CTTNBP2: variants seen among roughly 807,000 people sequenced by gnomAD.
CTTNBP2 encodes the protein cortactin-binding protein 2.
Under a neutral mutation model 156.9 loss-of-function variants are expected in CTTNBP2, and 108 were observed. The ratio of observed to expected loss-of-function variants is 0.69; its 90% confidence interval spans 0.59 to 0.81. CTTNBP2 has a LOEUF of 0.81. Among genes scored for constraint, CTTNBP2 ranks in the 30% least tolerant of loss-of-function variants. CTTNBP2 has a pLI of 0.00. For missense variants in CTTNBP2, 1,924 were observed against 2,035.4 expected (o/e 0.95, Z 1.05); for synonymous variants, 767 against 751.8 (o/e 1.02, Z -0.33).
At chr7:117,838,565 TA>T (rs1453975238) in intron 2 of CTTNBP2, among the ~76,000 whole-genome samples, 1 of 152,170 alleles carries the variant, frequency 6.6e-6, no homozygotes, top group Non-Finnish European at 1.5e-5. Context: ...GACTAATCTG[TA>T]AAAACTACCT....
chr7:117,839,802 CATAAT>C (rs1802167504), intron 2 of CTTNBP2, among the ~76,000 whole-genome samples: 1 of 152,178 alleles, frequency 6.6e-6, no homozygotes, highest in African/African-American at 2.4e-5. Flanking sequence ...GGCCCCATGG[CATAAT>C]CCACCTTTAC....
At chr7:117,751,485 A>G (rs1796616679) in intron 12 of CTTNBP2, among the ~76,000 whole-genome samples, 1 of 152,206 alleles carries the variant, frequency 6.6e-6, no homozygotes. Context: ...TTAAATAACT[A>G]ATTTACTTGT....
At chr7:117,721,464 CT>C (rs1794787488) in intron 19 of CTTNBP2, among the ~76,000 whole-genome samples, 1 of 152,218 alleles carries the variant, frequency 6.6e-6, no homozygotes, top group Admixed American at 6.5e-5. Context: ...TCCTTAGGCC[CT>C]TGTTCTCAAA....
Position 117,758,539 on chromosome 7 carries a change from A to C in CTTNBP2, c.3173-569T>G, listed in dbSNP as rs191226728. ...GTATCTTCCCTAGGGGATGATTGGT[A>C]ATAAGTATTTTTTTTCATCTCTTCC... is the stretch of plus-strand genomic sequence containing the variant. On this transcript the variant is annotated intron_variant, in intron 10 of 22. Transcript: ENST00000160373. Among the ~76,000 whole-genome samples the C allele has an allele frequency of 1.7e-3, 259 of 152,238 alleles. 4 individuals are homozygous for C. The highest frequency in any genetic ancestry group is 0.012 in the Admixed American group (179 of 15,290).
At chr7:117,814,667 A>G (rs1391374178) in intron 2 of CTTNBP2, among the ~76,000 whole-genome samples, 2 of 152,210 alleles carry the variant, frequency 1.3e-5, no homozygotes, top group South Asian at 2.1e-4. Flanking sequence ...AGCTCAAGCA[A>G]TCCTCCTGCC....
At chr7:117,832,907 C>G (rs767592424) in intron 2 of CTTNBP2, among the ~76,000 whole-genome samples, 6 of 98,996 alleles carry the variant, frequency 6.1e-5, no homozygotes, top group Non-Finnish European at 1.2e-4. Flanking sequence ...CCACCACACC[C>G]GGCTTTTTTT....
rs74340912 is a variant in CTTNBP2 at position 117,808,018 on chromosome 7, C to T, written c.414+2747G>A. 8.6e-3 allele frequency among the ~76,000 whole-genome samples: 1,313 copies of T among 152,290 alleles called. 16 individuals carry two copies. Among genetic ancestry groups the T allele is most frequent in the African/African-American group, 0.03 (1,236 of 41,554 alleles). ...CCATGCAACTCACCTATTTATATTG[C>T]GCTGCCACATAGAAGGAGCTGTATC... is the stretch of plus-strand genomic sequence containing the variant. On this transcript the variant is annotated intron_variant, in intron 3 of 22. Transcript: ENST00000160373.
At position 117,711,669 on chromosome 7, in the gene CTTNBP2, GACTTT is replaced by G. The variant is rs1371150620; in HGVS notation, c.4855_4859del (p.Lys1619HisfsTer15). On this transcript the variant is annotated frameshift_variant, in exon 23 of 23. Coordinates refer to ENST00000160373, the MANE Select transcript of CTTNBP2 (RefSeq NM_033427.3). LOFTEE classifies it high-confidence loss of function. ...TTTTGGTGTTCTGGGAACACTGGGT[GACTTT>G]ACTTCTAGGAACAGGAAGAAAAGAT... 11 of 1,613,898 alleles carry G rather than the reference GACTTT, an allele frequency of 6.8e-6. No homozygotes were observed. The highest frequency in any genetic ancestry group is 4.0e-5 in the African/African-American group (3 of 74,898).
In CTTNBP2 at chr7:117,711,674, T is replaced by G. The variant is rs113820495; in HGVS notation, c.4855A>C (p.Lys1619Gln). The G allele has an allele frequency of 1.1e-3, 1,767 of 1,614,078 alleles. 22 individuals carry two copies. The African/African-American group carries it at 0.019, about 17-fold the overall frequency. Reference protein sequence around the residue: ...VKSFLPVPRSKVTQCSQNTKR... With the variant: ...VKSFLPVPRSQVTQCSQNTKR... Reference sequence around the variant, plus strand: ...GTGTTCTGGGAACACTGGGTGACTTTACTTCTAGGAACAGGAAGAAAAGAT... The same window carrying G: ...GTGTTCTGGGAACACTGGGTGACTTGACTTCTAGGAACAGGAAGAAAAGAT... Residue 1619 changes from lysine to glutamine, a missense_variant, in exon 23 of 23, where the codon AAA becomes CAA. Physicochemically the swap from Lys to Gln is moderately conservative, Grantham distance 53. Transcript: ENST00000160373.
In CTTNBP2 at chr7:117,718,077, C is replaced by CAGAACTATCAAACATCCTTAAAT. The variant is rs757377452; in HGVS notation, c.4664_4686dup (p.Gly1563IlefsTer2). 2 of 1,613,394 alleles carry CAGAACTATCAAACATCCTTAAAT rather than the reference C, an allele frequency of 1.2e-6. No homozygotes were observed. The highest frequency in any genetic ancestry group is 1.7e-6 in the Non-Finnish European group (2 of 1,179,512). On this transcript the variant is annotated stop_gained and frameshift_variant, in exon 22 of 23. Coordinates refer to ENST00000160373, the MANE Select transcript of CTTNBP2 (RefSeq NM_033427.3). LOFTEE classifies it high-confidence loss of function. Reference sequence around the variant, plus strand: ...GTTGCTGAAAGTACAGGGTTGTTTCCAGAACTATCAAACATCCTTAAATCA... The same window carrying CAGAACTATCAAACATCCTTAAAT: ...GTTGCTGAAAGTACAGGGTTGTTTCCAGAACTATCAAACATCCTTAAATAGAACTATCAAACATCCTTAAATCA...
chr7:117,716,564 C>A (rs1346112241), intron 22 of CTTNBP2, among the ~76,000 whole-genome samples: 1 of 152,086 alleles, frequency 6.6e-6, no homozygotes, highest in Non-Finnish European at 1.5e-5. Context: ...GGGATGGGCC[C>A]TAGACTGTTT....
At chr7:117,873,154 C>G (rs1027827284) in intron 1 of CTTNBP2, among the ~76,000 whole-genome samples, 181 bp downstream of exon 1, 1 of 152,068 alleles carries the variant, frequency 6.6e-6, no homozygotes, top group Non-Finnish European at 1.5e-5. Flanking sequence ...CCGCTCCGCT[C>G]CCCCCCGCGG....
intron 2 of CTTNBP2, among the ~76,000 whole-genome samples, chr7:117,811,656 C>T (rs1800286639): frequency 6.6e-6 from 1 of 151,688 alleles, no homozygotes; most frequent in African/African-American, 2.4e-5. Flanking sequence ...AGCTAAAGTT[C>T]AAAAATAAAA....
intron 1 of CTTNBP2, among the ~76,000 whole-genome samples, chr7:117,868,688 C>G (rs1804376900): frequency 6.6e-6 from 1 of 152,190 alleles, no homozygotes; most frequent in Non-Finnish European, 1.5e-5. Flanking sequence ...AAAGACAAAT[C>G]TTTTTCCATG....
intron 6 of CTTNBP2, among the ~76,000 whole-genome samples, chr7:117,782,270 C>T (rs1009682278): frequency 6.6e-6 from 1 of 152,074 alleles, no homozygotes; most frequent in Non-Finnish European, 1.5e-5. Flanking sequence ...AAAGTCATGC[C>T]TATATCTAAC....
rs992110761 is a variant in CTTNBP2 at position 117,735,097 on chromosome 7, T to C, written c.3692A>G (p.Asn1231Ser). 6.2e-7 allele frequency: 1 copy of C among 1,610,940 alleles called. No homozygotes were observed. The highest frequency in any genetic ancestry group is 1.1e-5 in the South Asian group (1 of 90,772). Residue 1231 changes from asparagine (N) to serine (S), a missense_variant, in exon 16 of 23, where the codon AAT (asparagine) becomes AGT (serine). By Grantham distance (46) the Asn-to-Ser change is conservative. Transcript: ENST00000160373. ...AAAGTAATAACATTCGGACAGTCCA[T>C]TTCCTGAAACAAACCAAAAAGCAAT... ...TESPCTFQKG[N>S]GLSECYYFHE...
Position 117,760,424 on chromosome 7 carries a change from ACTG to A in CTTNBP2, c.3172+8_3172+10del. ...AATTTCACTTTCTCTCCGTCATAGG[ACTG>A]CTGATACCTAGCGTGATGGATCGTA... is the stretch of plus-strand genomic sequence containing the variant. On this transcript the variant is annotated splice_region_variant and intron_variant, in intron 10 of 22. Coordinates refer to ENST00000160373, the MANE Select transcript of CTTNBP2 (RefSeq NM_033427.3). 2 of 1,610,708 alleles carry A rather than the reference ACTG, an allele frequency of 1.2e-6. No individual in the cohort carries two copies. The highest frequency in any genetic ancestry group is 1.7e-6 in the Non-Finnish European group (2 of 1,177,108).
At chr7:117,839,813 T>C (rs183298281) in intron 2 of CTTNBP2, among the ~76,000 whole-genome samples, 11 of 152,288 alleles carry the variant, frequency 7.2e-5, no homozygotes, top group Admixed American at 3.9e-4. Context: ...ATAATCCACC[T>C]TTACTCCTCC....
chr7:117,809,339 TTTC>T (rs1218042669), intron 3 of CTTNBP2, among the ~76,000 whole-genome samples: 2 of 152,236 alleles, frequency 1.3e-5, no homozygotes, highest in Admixed American at 6.5e-5. Context: ...AACAAAGTGT[TTTC>T]TTAATTTTTT....
Sources: allele counts gnomAD v4.1 joint callset (sites outside exome capture counted in the v4.1 genomes callset), GRCh38; gene constraint gnomAD v4.1.1; transcripts MANE v1.5; gene names NCBI Gene and HGNC (gene_info 2026-07-23, HGNC 2026-07-21).